DMD: variants seen among roughly 807,000 people sequenced by gnomAD.
DMD encodes mutant dystrophin.
DMD carries 63 observed loss-of-function variants against 330.1 expected under a neutral mutation model. The ratio of observed to expected loss-of-function variants is 0.19; its 90% CI spans 0.16 to 0.24. DMD has a LOEUF of 0.24. Ranked by LOEUF, DMD falls within the 10% of genes least tolerant of loss-of-function variation. DMD has a pLI of 1.00. For missense variants in DMD, 3,344 were observed against 2,684.1 expected, an observed-to-expected ratio of 1.25 and a Z score of -5.43; for synonymous variants, 1,223 against 959.8, an observed-to-expected ratio of 1.27 and a Z score of -5.07.
chrX:32,822,423 C>T (rs928441327), intron 5 of DMD, among the ~76,000 whole-genome samples: 8 of 109,120 alleles, frequency 7.3e-5, no homozygotes, highest in Non-Finnish European at 1.5e-4. Flanking sequence ...GTTACTATTA[C>T]GTATATATAT....
chrX:31,410,288 T>C (rs1349608933), intron 60 of DMD, among the ~76,000 whole-genome samples: 3 of 112,147 alleles, frequency 2.7e-5, no homozygotes, highest in Non-Finnish European at 5.6e-5. Context: ...CCTTTTATTA[T>C]AGAACTCGGT....
At chrX:31,388,896 C>T (rs756059749) in intron 60 of DMD, among the ~76,000 whole-genome samples, 3 of 111,904 alleles carry the variant, frequency 2.7e-5, no homozygotes, top group South Asian at 7.4e-4. Flanking sequence ...AGTGAGACTC[C>T]GTCTCAAAAA....
chrX:32,761,119 G>T (rs2072229075), intron 7 of DMD, among the ~76,000 whole-genome samples: 1 of 111,874 alleles, frequency 8.9e-6, no homozygotes, highest in Non-Finnish European at 1.9e-5. Flanking sequence ...ATGTTTACAA[G>T]TGTCATTTGT....
At chrX:33,222,956 G>T (rs1426722366) in intron 1 of DMD, among the ~76,000 whole-genome samples, 4 of 112,000 alleles carry the variant, frequency 3.6e-5, no homozygotes, top group Non-Finnish European at 5.6e-5. Flanking sequence ...TTACTTTGCA[G>T]ATATTAACAA....
intron 47 of DMD, among the ~76,000 whole-genome samples, chrX:31,923,127 G>C (rs2094717186): frequency 9.0e-6 from 1 of 111,705 alleles, no homozygotes; most frequent in Non-Finnish European, 1.9e-5. Flanking sequence ...TAGGATAACA[G>C]GCAAAAACCA....
intron 44 of DMD, among the ~76,000 whole-genome samples, chrX:32,006,902 G>A (rs2095665421): frequency 9.2e-6 from 1 of 108,963 alleles, no homozygotes; most frequent in East Asian, 2.9e-4. Context: ...AAAATGATGA[G>A]TTCATGTTCT....
At position 32,545,425 on chromosome X, in the gene DMD, G is replaced by T; in HGVS notation, c.1993-91C>A. Reference sequence around the variant, plus strand: ...TGGCAAAGGAAAATAATGAGAAACTGTTCTTGCTTGTTGGTAGATTGACCT... The same window carrying T: ...TGGCAAAGGAAAATAATGAGAAACTTTTCTTGCTTGTTGGTAGATTGACCT... On this transcript the variant is annotated intron_variant, in intron 16 of 78. Transcript: ENST00000357033. The T allele has an allele frequency of 3.3e-6, 3 of 896,087 alleles. 1 individual carries two copies. In the South Asian group the frequency reaches 6.3e-5, roughly 19 times the overall value. The allele number at this position is 896,087 out of a possible 1,213,427, so 73.8% of individuals were successfully genotyped here.
intron 61 of DMD, among the ~76,000 whole-genome samples, chrX:31,338,964 A>C (rs2057568294): frequency 1.1e-5 from 1 of 91,257 alleles, no homozygotes; most frequent in Non-Finnish European, 2.2e-5. Context: ...AAAAAAAAAA[A>C]ACAAAGTGCC....
rs749991766 is a variant in DMD at position 32,354,972 on chromosome X, C to G, written c.5326-6444G>C. On this transcript the variant is annotated intron_variant, in intron 37 of 78. Coordinates refer to ENST00000357033, the MANE Select transcript of DMD (RefSeq NM_004006.3). ...AATTAAAAGAGGAAAACATTTAACT[C>G]TAAAATGTATGGGGGAGACAGACAA... Among the ~76,000 whole-genome samples the G allele has an allele frequency of 5.4e-5, 6 of 111,220 alleles. No homozygotes were observed. The South Asian group carries it at 2.3e-3, about 42-fold the overall frequency.
intron 17 of DMD, among the ~76,000 whole-genome samples, chrX:32,539,886 C>G (rs1200111366): frequency 9.0e-6 from 1 of 111,660 alleles, no homozygotes; most frequent in Non-Finnish European, 1.9e-5. Flanking sequence ...AGCAAGCTTA[C>G]ATTCTGTCTG....
chrX:32,408,865 C>CATCTATCTATCTATCT (rs10559613), intron 30 of DMD, among the ~76,000 whole-genome samples: 30 of 96,937 alleles, frequency 3.1e-4, no homozygotes, highest in East Asian at 6.6e-4. Flanking sequence ...TTCTTTCTTT[C>CATCTATCTATCTATCT]ATCTATCTAT....
intron 7 of DMD, chrX:32,756,344 T>C (rs1045897870): frequency 2.7e-5 from 3 of 112,018 alleles, no homozygotes; most frequent in African/African-American, 3.2e-5. Context: ...ACTTTATACT[T>C]GCTTCTACAA....
chrX:32,870,030 G>A (rs1225914538), intron 2 of DMD, among the ~76,000 whole-genome samples: 1 of 111,198 alleles, frequency 9.0e-6, no homozygotes, highest in Non-Finnish European at 1.9e-5. Flanking sequence ...TGTCTCTTCT[G>A]TGTATCTAGA....
chrX:33,302,357 C>T (rs913100403), intron 1 of DMD, among the ~76,000 whole-genome samples: 5 of 111,499 alleles, frequency 4.5e-5, no homozygotes, highest in African/African-American at 1.6e-4. Flanking sequence ...GATTTATAAC[C>T]TCACCAACAA....
intron 52 of DMD, among the ~76,000 whole-genome samples, chrX:31,715,287 G>C (rs1055250695): frequency 9.1e-6 from 1 of 109,301 alleles, no homozygotes; most frequent in African/African-American, 3.4e-5. Context: ...GCTCACGCCT[G>C]TAATCCCAGC....
chrX:32,908,623 C>T (rs750990519), intron 2 of DMD, among the ~76,000 whole-genome samples: 1 of 111,362 alleles, frequency 9.0e-6, no homozygotes, highest in Non-Finnish European at 1.9e-5. Flanking sequence ...TAGCACTAAC[C>T]GGGATCACTT....
At chrX:32,658,517 A>G (rs779502480) in intron 9 of DMD, among the ~76,000 whole-genome samples, 2 of 111,680 alleles carry the variant, frequency 1.8e-5, no homozygotes, top group Non-Finnish European at 3.8e-5. Context: ...TTTATTTACA[A>G]AAATCAGGTA....
At chrX:31,174,588 T>C (rs975986303) in intron 71 of DMD, among the ~76,000 whole-genome samples, 2 of 111,469 alleles carry the variant, frequency 1.8e-5, no homozygotes, top group Non-Finnish European at 3.8e-5. Context: ...CAGAAAGCCC[T>C]TAGGTAAAGG....
intron 37 of DMD, among the ~76,000 whole-genome samples, chrX:32,355,387 CT>C (rs771412563): frequency 3.1e-3 from 347 of 111,301 alleles, no homozygotes; most frequent in Non-Finnish European, 5.4e-3. Flanking sequence ...CTGAAAGTCT[CT>C]GGTCCAAAGC....
Sources: allele counts gnomAD v4.1 joint callset (sites outside exome capture counted in the v4.1 genomes callset), GRCh38; gene constraint gnomAD v4.1.1; transcripts MANE v1.5; gene names NCBI Gene and HGNC (gene_info 2026-07-23, HGNC 2026-07-21).